Variants in NELL2 observed in about 807,000 individuals in gnomAD.
The protein encoded by NELL2 is neural EGFL like 2.
NELL2 carries 41 observed loss-of-function variants against 109.6 expected under a neutral mutation model. The observed-to-expected ratio is 0.37, with a 90% CI of 0.29 to 0.49. The LOEUF is 0.49. Ranked by LOEUF, NELL2 falls within the 20% of genes least tolerant of loss-of-function variation. NELL2 has a pLI of 0.98. For missense variants in NELL2, 900 were observed against 1,008.3 expected, an observed-to-expected ratio of 0.89 and a Z score of 1.45; for synonymous variants, 355 against 344.7, an observed-to-expected ratio of 1.03 and a Z score of -0.33.
chr12:44,804,750 T>C (rs1022275650), intron 3 of NELL2, among the ~76,000 whole-genome samples: 2 of 151,826 alleles, frequency 1.3e-5, no homozygotes, highest in Non-Finnish European at 2.9e-5. Context: ...ACATTCATTG[T>C]GGAAAAGAAC....
intron 9 of NELL2, among the ~76,000 whole-genome samples, chr12:44,751,944 T>C (rs1420259573): frequency 2.0e-5 from 3 of 151,564 alleles, no homozygotes; most frequent in South Asian, 2.1e-4. Flanking sequence ...ACACTAACAA[T>C]AGCTTATGAG....
intron 15 of NELL2, among the ~76,000 whole-genome samples, chr12:44,605,888 A>G (rs972424975): frequency 6.6e-6 from 1 of 152,104 alleles, no homozygotes; most frequent in South Asian, 2.1e-4. Flanking sequence ...CCATAGAAAC[A>G]TGAGAGGACT....
At chr12:44,760,358 A>G (rs1179745357) in intron 9 of NELL2, among the ~76,000 whole-genome samples, 2 of 152,214 alleles carry the variant, frequency 1.3e-5, no homozygotes, top group Non-Finnish European at 2.9e-5. Context: ...AGAATAAGAC[A>G]TATTCCAAGC....
chr12:44,858,164 G>A (rs1012094807), intron 2 of NELL2, among the ~76,000 whole-genome samples: 1 of 152,130 alleles, frequency 6.6e-6, no homozygotes, highest in Non-Finnish European at 1.5e-5. Context: ...CTATTACTAT[G>A]CCAATTGAGG....
At chr12:44,632,910 C>T (rs1456845256) in intron 13 of NELL2, among the ~76,000 whole-genome samples, 1 of 151,622 alleles carries the variant, frequency 6.6e-6, no homozygotes, top group Non-Finnish European at 1.5e-5. Flanking sequence ...TATAACTAGG[C>T]CATAGAGAGT....
chr12:44,918,160 T>C (rs538973665), upstream of NELL2, among the ~76,000 whole-genome samples: 3 of 152,326 alleles, frequency 2.0e-5, no homozygotes, highest in Admixed American at 6.5e-5. Context: ...AAAGCATCAG[T>C]GGATATTAAA....
rs71093823 is a variant in NELL2, at chr12:44,737,889, C to CAA, written c.995-23150_995-23149dup. On this transcript the variant is annotated intron_variant, in intron 9 of 19. Coordinates refer to ENST00000429094, the MANE Select transcript of NELL2 (RefSeq NM_001145108.2). ...GAACTAAAGGGCAAACGGTTGGCTG[C>CAA]AAAAAAAAAAAATGTATGACAGACT... Among the ~76,000 whole-genome samples the CAA allele has an allele frequency of 1.6e-3, 218 of 138,308 alleles. 4 individuals carry two copies. In the East Asian group the frequency reaches 0.032, roughly 20 times the overall value. The allele number at this position is 138,308 out of a possible 152,430, so 90.7% of individuals were successfully genotyped here. A position where few individuals can be genotyped will look rare whatever the true frequency, so the allele number is the denominator to read the frequency against.
intron 11 of NELL2, among the ~76,000 whole-genome samples, chr12:44,710,037 C>A (rs1225193314): frequency 6.6e-6 from 1 of 152,160 alleles, no homozygotes; most frequent in African/African-American, 2.4e-5. Flanking sequence ...AAAGGCAGAC[C>A]ATGTCTTAAA....
At chr12:44,899,393 C>T (rs933428203) in intron 1 of NELL2, among the ~76,000 whole-genome samples, 2 of 152,150 alleles carry the variant, frequency 1.3e-5, no homozygotes, top group East Asian at 1.9e-4. Flanking sequence ...AAGGGAAGCA[C>T]ATCAGACATA....
chr12:44,673,685 T>C (rs1948217940), intron 12 of NELL2, among the ~76,000 whole-genome samples: 1 of 152,220 alleles, frequency 6.6e-6, no homozygotes, highest in East Asian at 1.9e-4. Flanking sequence ...TTAAAAGGGC[T>C]TACAATCCAG....
At chr12:44,722,730 T>G (rs1172174040) in intron 9 of NELL2, among the ~76,000 whole-genome samples, 1 of 152,060 alleles carries the variant, frequency 6.6e-6, no homozygotes, top group Non-Finnish European at 1.5e-5. Flanking sequence ...AGAGTAATAA[T>G]CACAATAATA....
chr12:44,650,700 G>C (rs373669150), intron 13 of NELL2, among the ~76,000 whole-genome samples: 2 of 152,086 alleles, frequency 1.3e-5, no homozygotes, highest in African/African-American at 4.8e-5. Flanking sequence ...AGGGTGGGGC[G>C]CTGATGCAAT....
intron 3 of NELL2, among the ~76,000 whole-genome samples, chr12:44,791,104 T>C (rs1211825612): frequency 7.8e-5 from 2 of 25,734 alleles, no homozygotes; most frequent in African/African-American, 3.6e-4. Context: ...TATGTATATA[T>C]ATATGTATAT....
intron 1 of NELL2, chr12:44,881,958 C>A (rs922803358): frequency 5.3e-5 from 8 of 151,702 alleles, no homozygotes; most frequent in Non-Finnish European, 1.2e-4. Flanking sequence ...CCATGGAGGC[C>A]ACAAAAAAGT....
intron 9 of NELL2, among the ~76,000 whole-genome samples, chr12:44,728,473 G>A (rs1463267095): frequency 6.6e-6 from 1 of 151,988 alleles, no homozygotes; most frequent in East Asian, 1.9e-4. Flanking sequence ...AATAAAGAAA[G>A]CCTAAAGGAC....
chr12:44,752,819 C>A (rs11182636), intron 9 of NELL2, among the ~76,000 whole-genome samples: 67,061 of 151,970 alleles, frequency 0.44, 15,005 homozygotes, highest in Non-Finnish European at 0.48. Context: ...CAAACTATTT[C>A]AGTCGATTGC....
intron 15 of NELL2, among the ~76,000 whole-genome samples, chr12:44,558,589 C>T (rs1363775369): frequency 1.3e-5 from 2 of 152,102 alleles, no homozygotes; most frequent in African/African-American, 4.8e-5. Context: ...AACTCCCTCC[C>T]CTCCCTAAGG....
At chr12:44,577,807 A>G (rs941116639) in intron 15 of NELL2, among the ~76,000 whole-genome samples, 8 of 151,986 alleles carry the variant, frequency 5.3e-5, no homozygotes, top group Admixed American at 5.2e-4. Flanking sequence ...ACTAGCTCCA[A>G]CGGAACTAGC....
At chr12:44,532,518 T>G (rs1942117290) in intron 16 of NELL2, 63 bp downstream of exon 16, 1 of 1,528,802 alleles carries the variant, frequency 6.5e-7, no homozygotes, top group Non-Finnish European at 9.0e-7. Context: ...TATTTATAGC[T>G]TATGATATAT....
Sources: allele counts gnomAD v4.1 joint callset (sites outside exome capture counted in the v4.1 genomes callset), GRCh38; gene constraint gnomAD v4.1.1; transcripts MANE v1.5; gene names NCBI Gene and HGNC (gene_info 2026-07-23, HGNC 2026-07-21).